The following ETS2 variants were observed in gnomAD, a reference collection of about 807,000 sequenced individuals.
The protein encoded by ETS2 is protein C-ets-2.
Under a neutral mutation model 54.9 loss-of-function variants are expected in ETS2, and 19 were observed. That is an observed-to-expected ratio of 0.35 (90% CI 0.24 to 0.51). The LOEUF (loss-of-function observed/expected upper bound fraction) is 0.51, where lower values mean the gene tolerates loss of function less well. Ranked by LOEUF, ETS2 falls within the 20% of genes least tolerant of loss-of-function variation. The probability of loss-of-function intolerance (pLI) is 0.97; values close to 1 mark genes in which losing one functional copy is unlikely to be tolerated. For missense variants in ETS2, 417 were observed against 593.0 expected, an observed-to-expected ratio of 0.70 and a Z score of 3.08; for synonymous variants, 219 against 229.3, an observed-to-expected ratio of 0.95 and a Z score of 0.41.
At position 38,817,006 on chromosome 21, in the gene ETS2, A is replaced by G; in HGVS notation, c.506-2A>G. ...CTTACGTCTCCTGTGTCTGCTTTTC[A>G]GAAAACCAAGAAAAGACAGAAGATC... On this transcript the variant is annotated splice_acceptor_variant, in intron 5 of 9. Coordinates refer to ENST00000360938, the MANE Select transcript of ETS2 (RefSeq NM_005239.6). LOFTEE classifies it high-confidence loss of function. 1 of 1,599,986 alleles carries G rather than the reference A, an allele frequency of 6.3e-7. No homozygotes were observed. Among genetic ancestry groups the G allele is most frequent in the Non-Finnish European group, 8.6e-7 (1 of 1,167,242 alleles).
Position 38,806,024 on chromosome 21 carries a change from G to GCCGGCGCCCTCGCCCTCGC in ETS2, c.-89_-71dup, listed in dbSNP as rs749319091. 1.2e-4 allele frequency: 147 copies of GCCGGCGCCCTCGCCCTCGC among 1,233,928 alleles called. No individual in the cohort carries two copies. Among genetic ancestry groups the GCCGGCGCCCTCGCCCTCGC allele is most frequent in the Admixed American group, 1.4e-4 (5 of 35,024 alleles). 76.4% of individuals were successfully genotyped at this position (1,233,928 alleles called of 1,614,324 possible). A position where few individuals can be genotyped will look rare whatever the true frequency, so the allele number is the denominator to read the frequency against. ...CGTCCGGCCTCCCTGATCGTCTCTG[G>GCCGGCGCCCTCGCCCTCGC]CCGGCGCCCTCGCCCTCGCCCGGCG... On this transcript the variant is annotated 5_prime_UTR_variant, in exon 1 of 10. Coordinates refer to ENST00000360938, the MANE Select transcript of ETS2 (RefSeq NM_005239.6). The surrounding 1 kb of genome is among the most constrained non-coding windows in gnomAD (Gnocchi z 4.3).
Position 38,813,052 on chromosome 21 carries a change from CT to C in ETS2, c.124del (p.Ser42LeufsTer2). 1 of 1,614,074 alleles carries C rather than the reference CT, an allele frequency of 6.2e-7. No individual in the cohort carries two copies. The highest frequency in any genetic ancestry group is 2.2e-5 in the East Asian group (1 of 44,888). ...GATGGGTCCCTGTTTGCTGTTTTTC[CT>C]TCTCTAAATGAAGAGCAAACACTGC... ...TFDGSLFAVF[P>X]SLNEEQTLQE... On this transcript the variant is annotated frameshift_variant, in exon 3 of 10. Coordinates refer to ENST00000360938, the MANE Select transcript of ETS2 (RefSeq NM_005239.6). LOFTEE classifies it high-confidence loss of function.
In ETS2 at chr21:38,813,211, C is replaced by T; in HGVS notation, c.184+97C>T. 3 of 824,914 alleles carry T rather than the reference C, an allele frequency of 3.6e-6. No individual in the cohort carries two copies. In the South Asian group the frequency reaches 4.3e-5, roughly 12 times the overall value. 51.1% of individuals were successfully genotyped at this position (824,914 alleles called of 1,614,324 possible). A position where few individuals can be genotyped will look rare whatever the true frequency, so the allele number is the denominator to read the frequency against. ...GTTCCTAAGTGAGAAATGTTGGTAT[C>T]TGGAATCTTTGATATGAATAGCCAG... On this transcript the variant is annotated intron_variant, in intron 3 of 9. Transcript: ENST00000360938.
chr21:38,814,716 A>G lies in ETS2; in HGVS notation c.305-65A>G, dbSNP rs1365868962. 1.4e-6 allele frequency: 2 copies of G among 1,407,190 alleles called. No homozygotes were observed. The highest frequency in any genetic ancestry group is 3.4e-5 in the Admixed American group (2 of 58,628). The allele number at this position is 1,407,190 out of a possible 1,614,324, so 87.2% of individuals were successfully genotyped here. On this transcript the variant is annotated intron_variant, in intron 4 of 9. Transcript: ENST00000360938. This position sits in a 1 kb window ranked among gnomAD's most constrained non-coding sequence, Gnocchi z 4.2. ...ACTTGGTGCATAAATTAGGGATGAC[A>G]GTGGTCTCACTACCTTTCCACTGTT...
chr21:38,805,915 G>A (rs540664963), upstream of ETS2: 1 of 1,242,856 alleles, frequency 8.0e-7, no homozygotes, highest in South Asian at 1.3e-5. This position sits in a 1 kb window ranked among gnomAD's most constrained non-coding sequence, Gnocchi z 5.2. Context: ...AGCGCGCCGC[G>A]TGGGGGACGG....
intron 6 of ETS2, 79 bp downstream of exon 6, chr21:38,817,170 C>A (rs754712576): frequency 2.2e-6 from 2 of 900,638 alleles, no homozygotes; most frequent in Admixed American, 1.9e-5. Flanking sequence ...ACTGTAGGCT[C>A]CTAAGGGGCC....
upstream of ETS2, chr21:38,805,339 G>A: frequency 7.8e-7 from 1 of 1,288,490 alleles, no homozygotes; most frequent in Non-Finnish European, 1.0e-6. The surrounding 1 kb of genome is among the most constrained non-coding windows in gnomAD (Gnocchi z 5.2). Context: ...CCATTCAGAG[G>A]TTCAAGAATG....
In ETS2 at chr21:38,819,714, A is replaced by G. The variant is rs461155; in HGVS notation, c.1023A>G (p.Pro341=). ...ATTACATCCAAGAGAGGAGTGACCC[A>G]GTGGAGCAAGGCAAACCAGTTATAC... The part of the protein sequence containing the change: ...FKDYIQERSD[P]VEQGKPVIPA... Residue 341 remains proline, a synonymous_variant, in exon 8 of 10, where the codon CCA becomes CCG. Coordinates refer to ENST00000360938, the MANE Select transcript of ETS2 (RefSeq NM_005239.6). 1,285,903 of 1,613,232 alleles carry G rather than the reference A, an allele frequency of 0.8. 524,385 individuals carry two copies. The highest frequency in any genetic ancestry group is 0.85 in the Non-Finnish European group (1,008,551 of 1,179,672).
chr21:38,814,523 G>A lies in ETS2; in HGVS notation c.304+131G>A. On this transcript the variant is annotated intron_variant, in intron 4 of 9. Transcript: ENST00000360938. The surrounding 1 kb of genome is among the most constrained non-coding windows in gnomAD (Gnocchi z 4.2). The stretch of plus-strand genomic sequence containing the variant: ...AGAGTAGCATGGATGTCGTTAACCT[G>A]AGCCAGTTTCTGTTTCACCCCAATC... 8.5e-7 allele frequency: 1 copy of A among 1,169,936 alleles called. No homozygotes were observed. Among genetic ancestry groups the A allele is most frequent in the South Asian group, 1.5e-5 (1 of 66,580 alleles). 72.5% of individuals were successfully genotyped at this position (1,169,936 alleles called of 1,614,324 possible).
rs1042940953 is a variant in ETS2 at position 38,823,149 on chromosome 21, G to C, written c.*260G>C. 6.1e-6 allele frequency: 2 copies of C among 327,480 alleles called. No individual in the cohort carries two copies. Among genetic ancestry groups the C allele is most frequent in the African/African-American group, 4.3e-5 (2 of 47,004 alleles). 20.3% of individuals were successfully genotyped at this position (327,480 alleles called of 1,614,324 possible). A position where few individuals can be genotyped will look rare whatever the true frequency, so the allele number is the denominator to read the frequency against. ...AAAGAGGCACCAGGAAGCCGTCCTG[G>C]CGCCTGGCAGTCCGTGGGACGGGAT... On this transcript the variant is annotated 3_prime_UTR_variant, in exon 10 of 10. Coordinates refer to ENST00000360938, the MANE Select transcript of ETS2 (RefSeq NM_005239.6).
At chr21:38,819,439 G>C in intron 7 of ETS2, 64 bp from the exon 8 acceptor site, 2 of 1,506,770 alleles carry the variant, frequency 1.3e-6, no homozygotes, top group Non-Finnish European at 1.8e-6. Context: ...GTGATGCTAT[G>C]GTCGTGCCCA....
Position 38,819,624 on chromosome 21 carries a change from C to A in ETS2, c.933C>A (p.Phe311Leu). The A allele has an allele frequency of 6.2e-7, 1 of 1,614,192 alleles. No individual in the cohort carries two copies. The change falls in exon 8 of 10, where the codon TTC (phenylalanine) becomes TTA (leucine). Residue 311 changes from phenylalanine (F) to leucine (L), a missense_variant. By Grantham distance (22) the Phe-to-Leu change is conservative. This residue lies in a region of ETS2 where 326 missense variants were observed against 426.1 expected (regional missense o/e 0.76). Transcript: ENST00000360938. The part of the protein sequence containing the change: ...SLLDVQRVPS[F>L]ESFEDDCSQS... ...TGGATGTGCAACGGGTTCCTTCCTT[C>A]GAGAGCTTCGAAGATGACTGCAGCC... is the stretch of plus-strand genomic sequence containing the variant.
chr21:38,814,722 C>G lies in ETS2; in HGVS notation c.305-59C>G. ...TGCATAAATTAGGGATGACAGTGGT[C>G]TCACTACCTTTCCACTGTTTTTACC... On this transcript the variant is annotated intron_variant, in intron 4 of 9. Coordinates refer to ENST00000360938, the MANE Select transcript of ETS2 (RefSeq NM_005239.6). This position sits in a 1 kb window ranked among gnomAD's most constrained non-coding sequence, Gnocchi z 4.2. 6.8e-7 allele frequency: 1 copy of G among 1,461,300 alleles called. No individual in the cohort carries two copies. Among genetic ancestry groups the G allele is most frequent in the Non-Finnish European group, 9.6e-7 (1 of 1,045,500 alleles). 90.5% of individuals were successfully genotyped at this position (1,461,300 alleles called of 1,614,324 possible).
At chr21:38,818,202 G>T (rs1354018393) in intron 6 of ETS2, among the ~76,000 whole-genome samples, 1 of 152,222 alleles carries the variant, frequency 6.6e-6, no homozygotes, top group African/African-American at 2.4e-5. Flanking sequence ...ATTGAGTCCT[G>T]CCTGCAGAGG....
At chr21:38,807,847 G>A (rs758309884) in intron 1 of ETS2, among the ~76,000 whole-genome samples, 1 of 152,196 alleles carries the variant, frequency 6.6e-6, no homozygotes, top group Non-Finnish European at 1.5e-5. Flanking sequence ...TGACCCATCC[G>A]GCTCTGGATG....
intron 3 of ETS2, among the ~76,000 whole-genome samples, chr21:38,813,807 T>C (rs1183841928): frequency 6.6e-6 from 1 of 152,192 alleles, no homozygotes; most frequent in South Asian, 2.1e-4. Context: ...CTGGAGAAGA[T>C]TGTTTTTCAA....
In ETS2 at chr21:38,818,334, G is replaced by A. The variant is rs889960236; in HGVS notation, c.590-91G>A. On this transcript the variant is annotated intron_variant, in intron 6 of 9. Transcript: ENST00000360938. ...GAGGTTCTGCAGAGGGCTGGAGTGTGCGGAGTGCTCACCTGTCATTTGCTC... is the reference window on the plus strand; with the variant it reads ...GAGGTTCTGCAGAGGGCTGGAGTGTACGGAGTGCTCACCTGTCATTTGCTC... 4 of 1,573,572 alleles carry A rather than the reference G, an allele frequency of 2.5e-6. No individual in the cohort carries two copies. In the African/African-American group the frequency reaches 4.0e-5, roughly 16 times the overall value.
chr21:38,814,150 G>A lies in ETS2; in HGVS notation c.185-123G>A. 3.1e-6 allele frequency: 3 copies of A among 964,542 alleles called. No individual in the cohort carries two copies. The highest frequency in any genetic ancestry group is 4.8e-6 in the Non-Finnish European group (3 of 631,224). The allele number at this position is 964,542 out of a possible 1,614,324, so 59.7% of individuals were successfully genotyped here. A position where few individuals can be genotyped will look rare whatever the true frequency, so the allele number is the denominator to read the frequency against. On this transcript the variant is annotated intron_variant, in intron 3 of 9. Transcript: ENST00000360938. This position sits in a 1 kb window ranked among gnomAD's most constrained non-coding sequence, Gnocchi z 4.2. Reference sequence around the variant, plus strand: ...TTTGTTAATAGTTACACTGTTTTAAGGAATCATGCCAAGGTTTGAGATCAA... The same window carrying A: ...TTTGTTAATAGTTACACTGTTTTAAAGAATCATGCCAAGGTTTGAGATCAA...
chr21:38,816,526 T>C (rs1030771568), intron 5 of ETS2, among the ~76,000 whole-genome samples: 4 of 152,210 alleles, frequency 2.6e-5, no homozygotes, highest in Non-Finnish European at 4.4e-5. Context: ...TTCAAAGTTC[T>C]TGGGCACATG....
Sources: allele counts gnomAD v4.1 joint callset (sites outside exome capture counted in the v4.1 genomes callset), GRCh38; gene constraint gnomAD v4.1.1; regional missense constraint gnomAD v4.1.1; non-coding constraint Gnocchi (gnomAD v3.1); transcripts MANE v1.5; gene names NCBI Gene and HGNC (gene_info 2026-07-23, HGNC 2026-07-21).